NIBAN2: variants seen among roughly 807,000 people sequenced by gnomAD.
The protein encoded by NIBAN2 is protein Niban 2.
Under a neutral mutation model 81.8 loss-of-function variants are expected in NIBAN2, and 36 were observed. The ratio of observed to expected loss-of-function variants is 0.44; its 90% CI spans 0.34 to 0.58. NIBAN2 has a LOEUF of 0.58. Ranked by LOEUF, NIBAN2 falls within the 20% of genes least tolerant of loss-of-function variation. NIBAN2 has a pLI of 0.02. For missense variants in NIBAN2, 897 were observed against 1,014.1 expected, an observed-to-expected ratio of 0.88 and a Z score of 1.57; for synonymous variants, 445 against 441.6, an observed-to-expected ratio of 1.01 and a Z score of -0.10.
At position 127,578,788 on chromosome 9, in the gene NIBAN2, T is replaced by G. The variant is rs1588199278; in HGVS notation, c.16+134A>C. ...GTGAGGATCCCTTGAGCCCAGGAGT[T>G]TGAGGCTGCATTGAGCTATGATCAT... On this transcript the variant is annotated intron_variant, in intron 1 of 13. Coordinates refer to the NIBAN2 transcript ENST00000373314. The G allele has an allele frequency of 7.6e-6, 6 of 791,628 alleles. No homozygotes were observed. In the East Asian group the frequency reaches 1.7e-4, roughly 22 times the overall value. The allele number at this position is 791,628 out of a possible 1,614,324, so 49.0% of individuals were successfully genotyped here.
At chr9:127,576,489 C>T (rs551457658) in intron 1 of NIBAN2, among the ~76,000 whole-genome samples, 4 of 152,202 alleles carry the variant, frequency 2.6e-5, no homozygotes, top group South Asian at 2.1e-4. Context: ...ATAATGGAAG[C>T]GCCCGTTCAT....
rs79477111 is a variant in NIBAN2 at position 127,574,775 on chromosome 9, T to C, written c.16+4147A>G. On this transcript the variant is annotated intron_variant, in intron 1 of 13. Coordinates refer to the NIBAN2 transcript ENST00000373314. ...CTGTTTACCCAGTTGGCATGGCCCA[T>C]TGTGCAGAAGGGACCCTGGCACCCA... 4.4e-3 allele frequency among the ~76,000 whole-genome samples: 673 copies of C among 152,346 alleles called. 11 individuals are homozygous for C. In the East Asian group the frequency reaches 0.065, roughly 15 times the overall value.
At chr9:127,549,423 G>A (rs550319512) in intron 1 of NIBAN2, among the ~76,000 whole-genome samples, 1 of 152,044 alleles carries the variant, frequency 6.6e-6, no homozygotes, top group South Asian at 2.1e-4. Context: ...CCACACGCAT[G>A]CACTCACATG....
intron 1 of NIBAN2, among the ~76,000 whole-genome samples, chr9:127,564,895 C>A (rs1408535327): frequency 6.6e-6 from 1 of 151,742 alleles, no homozygotes; most frequent in African/African-American, 2.4e-5. Context: ...TTTTTATAAA[C>A]CAAGCTATTA....
At chr9:127,522,135 A>C (rs921830000) in intron 5 of NIBAN2, among the ~76,000 whole-genome samples, 1 of 152,154 alleles carries the variant, frequency 6.6e-6, no homozygotes, top group African/African-American at 2.4e-5. Flanking sequence ...ACCCAGTCCC[A>C]GCCCACAGTC....
intron 1 of NIBAN2, among the ~76,000 whole-genome samples, chr9:127,562,804 A>G (rs1354586720): frequency 6.6e-6 from 1 of 152,222 alleles, no homozygotes; most frequent in African/African-American, 2.4e-5. Context: ...CATGTCCAGC[A>G]TTAGGGAAAA....
intron 1 of NIBAN2, among the ~76,000 whole-genome samples, chr9:127,549,794 C>T (rs575997417): frequency 5.9e-5 from 9 of 152,340 alleles, no homozygotes; most frequent in African/African-American, 2.2e-4. Flanking sequence ...CTCCCTTGGT[C>T]TGTACTCTAA....
chr9:127,506,656 A>C lies in NIBAN2; in HGVS notation c.*189T>G. On this transcript the variant is annotated 3_prime_UTR_variant, in exon 14 of 14. Transcript: ENST00000373312. ...GAGATCATCCCACAGAAGAGAAAACAGGGAGCAAGAAAGTGTTGACTGAAC... is the reference window on the plus strand; with the variant it reads ...GAGATCATCCCACAGAAGAGAAAACCGGGAGCAAGAAAGTGTTGACTGAAC... 4.3e-6 allele frequency: 2 copies of C among 467,844 alleles called. No individual in the cohort carries two copies. The highest frequency in any genetic ancestry group is 7.5e-6 in the Non-Finnish European group (2 of 267,330). The allele number at this position is 467,844 out of a possible 1,614,324, so 29.0% of individuals were successfully genotyped here. A position where few individuals can be genotyped will look rare whatever the true frequency, so the allele number is the denominator to read the frequency against.
chr9:127,537,582 G>A (rs1011944893), intron 1 of NIBAN2, among the ~76,000 whole-genome samples: 7 of 152,304 alleles, frequency 4.6e-5, no homozygotes, highest in Non-Finnish European at 7.3e-5. Flanking sequence ...CTGCCTAACC[G>A]TGGCTGGGAT....
rs556285104 is a variant in NIBAN2 at position 127,545,615 on chromosome 9, T to A, written c.56-13837A>T. On this transcript the variant is annotated intron_variant, in intron 1 of 13. Coordinates refer to ENST00000373312, the MANE Select transcript of NIBAN2 (RefSeq NM_022833.4). This position sits in a 1 kb window ranked among gnomAD's most constrained non-coding sequence, Gnocchi z 4.7. ...TTTCACAAGGCTGCCTTGAAAACTC[T>A]TCTCGGTTGGCAAATATTTAACCAG... 6.6e-6 allele frequency among the ~76,000 whole-genome samples: 1 copy of A among 152,164 alleles called. No homozygotes were observed. The highest frequency in any genetic ancestry group is 1.5e-5 in the Non-Finnish European group (1 of 67,986).
At chr9:127,510,683 C>T (rs1836722079) in intron 8 of NIBAN2, among the ~76,000 whole-genome samples, 1 of 152,126 alleles carries the variant, frequency 6.6e-6, no homozygotes, top group Non-Finnish European at 1.5e-5. Context: ...GATCCACCCG[C>T]CTCGGCCTCC....
At chr9:127,542,498 A>C (rs1837397823) in intron 1 of NIBAN2, among the ~76,000 whole-genome samples, 1 of 152,144 alleles carries the variant, frequency 6.6e-6, no homozygotes, top group Non-Finnish European at 1.5e-5. Flanking sequence ...CCCAAAAGAG[A>C]GCCACGAAGC....
chr9:127,553,152 T>C (rs998284420), intron 1 of NIBAN2, among the ~76,000 whole-genome samples: 1 of 152,256 alleles, frequency 6.6e-6, no homozygotes. Context: ...TGTTATTTTC[T>C]AATTTTCTTT....
In NIBAN2 at chr9:127,559,028, A is replaced by G. The variant is rs1192234617; in HGVS notation, c.55+9792T>C. Among the ~76,000 whole-genome samples the G allele has an allele frequency of 6.6e-6, 1 of 152,200 alleles. No individual in the cohort carries two copies. Among genetic ancestry groups the G allele is most frequent in the Non-Finnish European group, 1.5e-5 (1 of 68,030 alleles). The stretch of plus-strand genomic sequence containing the variant: ...CTTTCAGTGACAGAAGCATACTGCC[A>G]CCAGGTCAAAGCCAGACACGCTGCC... On this transcript the variant is annotated intron_variant, in intron 1 of 13. Transcript: ENST00000373312. The surrounding 1 kb of genome is among the most constrained non-coding windows in gnomAD (Gnocchi z 4.0).
At chr9:127,565,005 T>C (rs2249452) in intron 1 of NIBAN2, among the ~76,000 whole-genome samples, 40,818 of 152,080 alleles carry the variant, frequency 0.27, 5,648 homozygotes, top group East Asian at 0.29. Flanking sequence ...ATGGAGGGTG[T>C]TTTCATGTTT....
chr9:127,525,311 G>A (rs1184059889), intron 3 of NIBAN2, 148 bp from the exon 4 acceptor site: 1 of 617,126 alleles, frequency 1.6e-6, no homozygotes, highest in Non-Finnish European at 2.9e-6. Flanking sequence ...AGGGGAGAAT[G>A]TCACTATCAT....
At chr9:127,553,823 C>T (rs1837619675) in intron 1 of NIBAN2, among the ~76,000 whole-genome samples, 1 of 152,194 alleles carries the variant, frequency 6.6e-6, no homozygotes, top group Non-Finnish European at 1.5e-5. Flanking sequence ...TCAAGCAATC[C>T]TCCCACCTCA....
intron 1 of NIBAN2, among the ~76,000 whole-genome samples, chr9:127,577,378 T>C (rs978841901): frequency 1.3e-5 from 2 of 151,646 alleles, no homozygotes; most frequent in African/African-American, 4.9e-5. Flanking sequence ...AGAGCTGCAA[T>C]ACCCCACGCT....
At chr9:127,511,417 CA>C (rs1836733744) in intron 8 of NIBAN2, among the ~76,000 whole-genome samples, 1 of 151,388 alleles carries the variant, frequency 6.6e-6, no homozygotes, top group Non-Finnish European at 1.5e-5. Flanking sequence ...AGGCTGGTCT[CA>C]AACTCCCTGG....
Sources: allele counts gnomAD v4.1 joint callset (sites outside exome capture counted in the v4.1 genomes callset), GRCh38; gene constraint gnomAD v4.1.1; non-coding constraint Gnocchi (gnomAD v3.1); transcripts MANE v1.5; gene names NCBI Gene and HGNC (gene_info 2026-07-23, HGNC 2026-07-21).